Variants in KCNN3 observed in about 807,000 individuals in gnomAD.
The protein encoded by KCNN3 is potassium calcium-activated channel subfamily N member 3.
In KCNN3, 16 loss-of-function variants were observed where a neutral mutation model predicts 62.9. The ratio of observed to expected loss-of-function variants is 0.25; its 90% CI spans 0.17 to 0.39. KCNN3 has a LOEUF of 0.39. KCNN3 is among the 10% of genes least tolerant of loss of function. The probability of loss-of-function intolerance (pLI) is 1.00; values close to 1 mark genes in which losing one functional copy is unlikely to be tolerated. For synonymous variants in KCNN3, 370 were observed against 389.2 expected (o/e 0.95, Z 0.58); for missense variants, 599 against 949.4 (o/e 0.63, Z 4.85).
At chr1:154,792,828 C>A (rs1164423682) in intron 2 of KCNN3, among the ~76,000 whole-genome samples, 1 of 152,206 alleles carries the variant, frequency 6.6e-6, no homozygotes, top group African/African-American at 2.4e-5. Flanking sequence ...CATTGAGCTG[C>A]CTTCCCTTGC....
rs971533773 is a variant in KCNN3, at chr1:154,772,888, C to A, written c.1030-495G>T. Among the ~76,000 whole-genome samples the A allele has an allele frequency of 5.9e-5, 9 of 152,050 alleles. No homozygotes were observed. The highest frequency in any genetic ancestry group is 3.3e-4 in the Admixed American group (5 of 15,274). On this transcript the variant is annotated intron_variant, in intron 2 of 7. Coordinates refer to ENST00000271915, the MANE Select transcript of KCNN3 (RefSeq NM_002249.6). The surrounding 1 kb of genome is among the most constrained non-coding windows in gnomAD (Gnocchi z 5.6). The stretch of plus-strand genomic sequence containing the variant: ...GTTGGAACTTTCAGCCCCACCCCAC[C>A]ACCTCCTGAGAAGGAAGAGGGGCCC...
At chr1:154,715,131 C>A in intron 5 of KCNN3, 128 bp from the exon 6 acceptor site, 1 of 1,166,210 alleles carries the variant, frequency 8.6e-7, no homozygotes, top group South Asian at 1.2e-5. Context: ...ACCAAAATCA[C>A]GGAACTCCTA....
intron 3 of KCNN3, among the ~76,000 whole-genome samples, chr1:154,765,822 T>G (rs2878377): frequency 7.9e-5 from 12 of 151,728 alleles, no homozygotes; most frequent in African/African-American, 2.9e-4. Context: ...TTTTGTTTTG[T>G]TTTTGGCAGA....
At chr1:154,741,500 G>C (rs943020118) in intron 3 of KCNN3, among the ~76,000 whole-genome samples, 1 of 152,174 alleles carries the variant, frequency 6.6e-6, no homozygotes, top group African/African-American at 2.4e-5. Flanking sequence ...GATTTCAGCT[G>C]TTCTCTTCAG....
chr1:154,801,147 G>A (rs757537888), intron 2 of KCNN3, among the ~76,000 whole-genome samples: 111 of 151,958 alleles, frequency 7.3e-4, no homozygotes, highest in Non-Finnish European at 1.3e-3. Flanking sequence ...GGGGGGGAGA[G>A]CCTCACCCCC....
intron 3 of KCNN3, among the ~76,000 whole-genome samples, chr1:154,733,716 T>C (rs571820254): frequency 6.6e-6 from 1 of 152,252 alleles, no homozygotes; most frequent in African/African-American, 2.4e-5. Flanking sequence ...CCTCCCTTTC[T>C]GAGTCAGACA....
At chr1:154,730,159 T>C (rs16836291) in intron 4 of KCNN3, among the ~76,000 whole-genome samples, 2,999 of 152,348 alleles carry the variant, frequency 0.02, 100 homozygotes, top group African/African-American at 0.068. Flanking sequence ...ACCATGATCA[T>C]GAAAAATCCT....
chr1:154,814,566 T>C (rs1650579451), intron 2 of KCNN3, among the ~76,000 whole-genome samples: 1 of 152,186 alleles, frequency 6.6e-6, no homozygotes, highest in African/African-American at 2.4e-5. Context: ...GAAATATCTA[T>C]GCTGAAACCT....
chr1:154,833,986 T>C (rs925628609), intron 1 of KCNN3, among the ~76,000 whole-genome samples: 3 of 152,194 alleles, frequency 2.0e-5, no homozygotes, highest in Admixed American at 2.0e-4. Context: ...GCATAAGAAG[T>C]AGAAATGCTG....
chr1:154,757,435 C>A (rs1647776177), intron 3 of KCNN3, among the ~76,000 whole-genome samples: 1 of 152,116 alleles, frequency 6.6e-6, no homozygotes, highest in African/African-American at 2.4e-5. Flanking sequence ...GCAAGTTGCT[C>A]CCTGCAGGAT....
chr1:154,721,215 G>A (rs1009567638), intron 5 of KCNN3, among the ~76,000 whole-genome samples: 2 of 152,056 alleles, frequency 1.3e-5, no homozygotes, highest in East Asian at 1.9e-4. Flanking sequence ...AGTAGGTACC[G>A]CAAAGAAAAT....
chr1:154,727,805 G>A (rs1409684340), intron 4 of KCNN3, among the ~76,000 whole-genome samples: 1 of 152,206 alleles, frequency 6.6e-6, no homozygotes, highest in Non-Finnish European at 1.5e-5. Context: ...CTTAAAAGAA[G>A]CCATCCTAGA....
intron 2 of KCNN3, among the ~76,000 whole-genome samples, chr1:154,808,952 G>T (rs536897275): frequency 7.9e-5 from 12 of 152,136 alleles, no homozygotes; most frequent in Non-Finnish European, 2.9e-5. Context: ...CCGCAGAGCC[G>T]CCTCGTGGCT....
At chr1:154,844,197 A>C (rs956629377) in intron 1 of KCNN3, among the ~76,000 whole-genome samples, 2 of 152,182 alleles carry the variant, frequency 1.3e-5, no homozygotes, top group African/African-American at 2.4e-5. Context: ...AAATCAAGTG[A>C]CTACACAGAT....
intron 3 of KCNN3, among the ~76,000 whole-genome samples, chr1:154,740,565 T>A (rs796635491): frequency 1.6e-4 from 24 of 152,364 alleles, no homozygotes; most frequent in African/African-American, 5.1e-4. Context: ...TTAGGAAATG[T>A]CAAGTTGTTT....
In KCNN3 at chr1:154,814,925, T is replaced by G. The variant is rs1650596600; in HGVS notation, c.1029+7164A>C. On this transcript the variant is annotated intron_variant, in intron 2 of 7. Coordinates refer to ENST00000271915, the MANE Select transcript of KCNN3 (RefSeq NM_002249.6). ...CTGTTCTCTGGAACACATTCCCCAT[T>G]TTCAATTTCCCTTGTGTGCTGTGAT... Among the ~76,000 whole-genome samples, 4 of 152,186 alleles carry G rather than the reference T, an allele frequency of 2.6e-5. No individual in the cohort carries two copies. The South Asian group carries it at 8.3e-4, about 32-fold the overall frequency.
intron 1 of KCNN3, among the ~76,000 whole-genome samples, chr1:154,842,640 G>A (rs74115899): frequency 0.074 from 869 of 11,794 alleles, 16 homozygotes; most frequent in African/African-American, 0.17. Flanking sequence ...CCCCCCCCCC[G>A]CCACCACCTC....
intron 2 of KCNN3, among the ~76,000 whole-genome samples, chr1:154,787,161 C>T (rs907911611): frequency 6.6e-6 from 1 of 152,252 alleles, no homozygotes; most frequent in Non-Finnish European, 1.5e-5. Flanking sequence ...TCAAGGCCAC[C>T]TCTCCATGTG....
chr1:154,726,475 G>A (rs1038998863), intron 4 of KCNN3, among the ~76,000 whole-genome samples: 2 of 152,300 alleles, frequency 1.3e-5, no homozygotes, highest in African/African-American at 4.8e-5. Context: ...AAGAAGGTAG[G>A]CCATCAGCTG....
Sources: allele counts gnomAD v4.1 joint callset (sites outside exome capture counted in the v4.1 genomes callset), GRCh38; gene constraint gnomAD v4.1.1; non-coding constraint Gnocchi (gnomAD v3.1); transcripts MANE v1.5; gene names NCBI Gene and HGNC (gene_info 2026-07-23, HGNC 2026-07-21).